Variants in SDK2 observed in about 807,000 individuals in gnomAD.
SDK2 encodes sidekick cell adhesion molecule 2, also known as protein sidekick-2.
In SDK2, 105 loss-of-function variants were observed where a neutral mutation model predicts 253.9. The observed-to-expected ratio is 0.41, with a 90% CI of 0.35 to 0.49. The LOEUF (loss-of-function observed/expected upper bound fraction) is 0.49, where lower values mean the gene tolerates loss of function less well. Among genes scored for constraint, SDK2 ranks in the 20% least tolerant of loss-of-function variants. The pLI is 0.06. For missense variants in SDK2, 2,608 were observed against 3,003.0 expected (o/e 0.87, Z 3.07); for synonymous variants, 1,249 against 1,234.9 (o/e 1.01, Z -0.24).
chr17:73,375,159 T>C (rs2062767227), intron 36 of SDK2, among the ~76,000 whole-genome samples: 1 of 150,888 alleles, frequency 6.6e-6, no homozygotes, highest in Admixed American at 6.6e-5. Flanking sequence ...TGGATCCATG[T>C]GATTTGTGCC....
chr17:73,386,556 G>A lies in SDK2; in HGVS notation c.4395-8C>T, dbSNP rs1401733585. ...GACGTGAAGGGCTTCAGCCTGTAGG[G>A]AGAAATCAGGGCCAATGAGCCAAGG... On this transcript the variant is annotated splice_region_variant and splice_polypyrimidine_tract_variant and intron_variant, in intron 30 of 44. Transcript: ENST00000392650. 6.5e-7 allele frequency: 1 copy of A among 1,545,470 alleles called. No individual in the cohort carries two copies. Among genetic ancestry groups the A allele is most frequent in the Admixed American group, 2.0e-5 (1 of 51,098 alleles).
chr17:73,574,456 C>T (rs1266980947), intron 1 of SDK2, among the ~76,000 whole-genome samples: 2 of 152,228 alleles, frequency 1.3e-5, no homozygotes, highest in East Asian at 1.9e-4. Context: ...CACATGCACA[C>T]ATACACGCCT....
chr17:73,471,604 A>C (rs2063651634), intron 3 of SDK2, among the ~76,000 whole-genome samples: 1 of 152,182 alleles, frequency 6.6e-6, no homozygotes. Flanking sequence ...ACTCAAAACA[A>C]AAACAAAAAC....
At chr17:73,574,064 C>T (rs557675516) in intron 1 of SDK2, among the ~76,000 whole-genome samples, 4 of 152,274 alleles carry the variant, frequency 2.6e-5, no homozygotes, top group South Asian at 2.1e-4. Flanking sequence ...CACATCTATG[C>T]GCTTCCTCAC....
chr17:73,434,749 G>C (rs574354880), intron 9 of SDK2, among the ~76,000 whole-genome samples: 1 of 152,164 alleles, frequency 6.6e-6, no homozygotes, highest in Non-Finnish European at 1.5e-5. Context: ...TCTCACTTCA[G>C]CATCCCTAGT....
At chr17:73,405,965 C>T (rs548766865) in intron 18 of SDK2, among the ~76,000 whole-genome samples, 4 of 151,964 alleles carry the variant, frequency 2.6e-5, no homozygotes, top group South Asian at 4.2e-4. Context: ...CCTCGTGATC[C>T]GCCTGCCTTG....
intron 1 of SDK2, among the ~76,000 whole-genome samples, chr17:73,584,033 C>T (rs2045571704): frequency 6.6e-6 from 1 of 152,210 alleles, no homozygotes; most frequent in African/African-American, 2.4e-5. Flanking sequence ...GATGTCGGCT[C>T]TTGGCAAGAC....
intron 3 of SDK2, among the ~76,000 whole-genome samples, chr17:73,471,352 C>A (rs2063649374): frequency 6.6e-6 from 1 of 152,174 alleles, no homozygotes; most frequent in Non-Finnish European, 1.5e-5. Context: ...AAACCCAGCA[C>A]TTTGGGAGGC....
chr17:73,418,216 C>T (rs993836817), intron 16 of SDK2, among the ~76,000 whole-genome samples: 1 of 152,082 alleles, frequency 6.6e-6, no homozygotes, highest in African/African-American at 2.4e-5. Context: ...CCATATTGGC[C>T]AGGATTGTCT....
At chr17:73,365,885 C>T (rs1292125601) in intron 37 of SDK2, among the ~76,000 whole-genome samples, 2 of 152,156 alleles carry the variant, frequency 1.3e-5, no homozygotes, top group Non-Finnish European at 2.9e-5. Context: ...CCTGGGGCTC[C>T]AGGGCTTGTC....
At chr17:73,539,739 G>C (rs2044835178) in intron 1 of SDK2, among the ~76,000 whole-genome samples, 1 of 152,230 alleles carries the variant, frequency 6.6e-6, no homozygotes, top group South Asian at 2.1e-4. Context: ...ATCAAGTTAA[G>C]ATGAGGTCAC....
intron 2 of SDK2, among the ~76,000 whole-genome samples, chr17:73,499,493 G>A (rs1416325908): frequency 1.3e-5 from 2 of 152,244 alleles, no homozygotes; most frequent in Non-Finnish European, 2.9e-5. Flanking sequence ...GCCAGGGGTG[G>A]GACTCGGCCT....
chr17:73,566,874 A>G (rs1256555764), intron 1 of SDK2, among the ~76,000 whole-genome samples: 1 of 145,240 alleles, frequency 6.9e-6, no homozygotes, highest in African/African-American at 2.5e-5. Context: ...CTTATAATTA[A>G]AAAAAAAAAA....
intron 1 of SDK2, among the ~76,000 whole-genome samples, chr17:73,584,449 G>A (rs560983678): frequency 6.6e-6 from 1 of 152,334 alleles, no homozygotes; most frequent in East Asian, 1.9e-4. Flanking sequence ...CCGGGTATAG[G>A]ATGTCTCCCT....
At position 73,415,884 on chromosome 17, in the gene SDK2, G is replaced by T; in HGVS notation, c.2295C>A (p.Ile765=). ...CAGCGCTGTTGTAAGCAGCCACCTC[G>T]ATCTCGTAGTTGGTCCAAATGATGA... is the stretch of plus-strand genomic sequence containing the variant. ...EDLIIWTNYE[I]EVAAYNSAGL... The change falls in exon 17 of 45, where the codon ATC becomes ATA. Residue 765 remains isoleucine (I), a synonymous_variant. Transcript: ENST00000392650. 1 of 1,592,510 alleles carries T rather than the reference G, an allele frequency of 6.3e-7. No individual in the cohort carries two copies. The highest frequency in any genetic ancestry group is 8.5e-7 in the Non-Finnish European group (1 of 1,169,626).
rs2045990469 is a variant in SDK2 at position 73,612,581 on chromosome 17, G to A, written c.64+31444C>T. Reference sequence around the variant, plus strand: ...ATTCTGACCCCTTCAGAACTTGGGGGCGGTGGCAAAATGAGAAGCCCAGAG... The same window carrying A: ...ATTCTGACCCCTTCAGAACTTGGGGACGGTGGCAAAATGAGAAGCCCAGAG... On this transcript the variant is annotated intron_variant, in intron 1 of 44. Transcript: ENST00000392650. This position sits in a 1 kb window ranked among gnomAD's most constrained non-coding sequence, Gnocchi z 4.4. Among the ~76,000 whole-genome samples the A allele has an allele frequency of 6.6e-6, 1 of 152,136 alleles. No homozygotes were observed. The highest frequency in any genetic ancestry group is 6.5e-5 in the Admixed American group (1 of 15,270).
chr17:73,416,035 C>A, intron 16 of SDK2, 43 bp from the exon 17 acceptor site: 1 of 1,562,206 alleles, frequency 6.4e-7, no homozygotes, highest in Non-Finnish European at 8.7e-7. Flanking sequence ...GAGTCAGCTT[C>A]CTTGGCCTCG....
chr17:73,558,937 G>T lies in SDK2; in HGVS notation c.65-51340C>A, dbSNP rs1326225366. On this transcript the variant is annotated intron_variant, in intron 1 of 44. Transcript: ENST00000392650. ...TGGAGAGAAAACGCCTGCCTCCCTG[G>T]CTCTGTCTGCAGCCTGGCTCCCAGG... 3.9e-5 allele frequency among the ~76,000 whole-genome samples: 6 copies of T among 152,218 alleles called. No homozygotes were observed. In the East Asian group the frequency reaches 1.2e-3, roughly 29 times the overall value.
chr17:73,379,631 G>A lies in SDK2; in HGVS notation c.4763-82C>T. The A allele has an allele frequency of 1.2e-6, 1 of 801,636 alleles. No homozygotes were observed. Among genetic ancestry groups the A allele is most frequent in the Non-Finnish European group, 2.0e-6 (1 of 490,596 alleles). 49.7% of individuals were successfully genotyped at this position (801,636 alleles called of 1,614,324 possible). A position where few individuals can be genotyped will look rare whatever the true frequency, so the allele number is the denominator to read the frequency against. ...GGTGTCCCCAGGGAGGGTGGAGGCT[G>A]CAGGGGGAGGAATGAGGCACCCCCG... On this transcript the variant is annotated intron_variant, in intron 34 of 44. Transcript: ENST00000392650. The surrounding 1 kb of genome is among the most constrained non-coding windows in gnomAD (Gnocchi z 4.5).
Sources: gnomAD v4.1 joint callset for allele counts (sites outside exome capture counted in the v4.1 genomes callset) on GRCh38, gnomAD v4.1.1 for gene constraint, Gnocchi (gnomAD v3.1) non-coding constraint, MANE v1.5 for transcripts, NCBI Gene and HGNC (gene_info 2026-07-23, HGNC 2026-07-21) for gene names.